Variants in MEF2D observed in about 807,000 individuals in gnomAD.
MEF2D encodes myocyte enhancer factor 2D.
MEF2D carries 10 observed loss-of-function variants against 59.3 expected under a neutral mutation model. The observed-to-expected ratio is 0.17, with a 90% CI of 0.10 to 0.29. The LOEUF is 0.29. Ranked by LOEUF, MEF2D falls within the 10% of genes least tolerant of loss-of-function variation. MEF2D has a pLI of 1.00. For missense variants in MEF2D, 508 were observed against 699.4 expected (o/e 0.73, Z 3.09); for synonymous variants, 305 against 295.0 (o/e 1.03, Z -0.35).
At chr1:156,477,308 CATGCT>C in intron 6 of MEF2D, 106 bp from the exon 7 acceptor site, 1 of 974,266 alleles carries the variant, frequency 1.0e-6, no homozygotes, top group Non-Finnish European at 1.5e-6. Flanking sequence ...CTCTCAAAGC[CATGCT>C]TAGGCTTTGA....
chr1:156,472,560 T>C (rs1355725408), intron 9 of MEF2D, among the ~76,000 whole-genome samples: 2 of 152,226 alleles, frequency 1.3e-5, no homozygotes, highest in Non-Finnish European at 1.5e-5. Flanking sequence ...TTTTTTCCCT[T>C]TTTTTGAGAC....
chr1:156,469,703 C>T (rs943036693), intron 9 of MEF2D, among the ~76,000 whole-genome samples: 2 of 151,088 alleles, frequency 1.3e-5, no homozygotes, highest in African/African-American at 4.9e-5. Context: ...GACTGGGCAA[C>T]ATAAGGAGAC....
Position 156,475,148 on chromosome 1 carries a change from C to T in MEF2D, c.966G>A (p.Gln322=). Residue 322 remains glutamine (Q), a synonymous_variant, in exon 9 of 12, where the codon CAG becomes CAA. Coordinates refer to ENST00000348159, the MANE Select transcript of MEF2D (RefSeq NM_005920.4). ...TGGGCATGGAAGAGAAGGGGAGGCCCTGGCTGAGTAAACTCGGCGTTGCCA... is the reference window on the plus strand; with the variant it reads ...TGGGCATGGAAGAGAAGGGGAGGCCTTGGCTGAGTAAACTCGGCGTTGCCA... The part of the protein sequence containing the change: ...VSVATPSLLS[Q]GLPFSSMPTA... 3 of 1,614,214 alleles carry T rather than the reference C, an allele frequency of 1.9e-6. No individual in the cohort carries two copies. The highest frequency in any genetic ancestry group is 2.5e-6 in the Non-Finnish European group (3 of 1,180,030).
chr1:156,469,293 T>C (rs1671074049), intron 9 of MEF2D, among the ~76,000 whole-genome samples: 2 of 152,198 alleles, frequency 1.3e-5, no homozygotes, highest in Admixed American at 6.5e-5. Context: ...AGTCTCACTC[T>C]ATTGCCCAGG....
At chr1:156,491,120 G>T (rs113771660) in intron 1 of MEF2D, among the ~76,000 whole-genome samples, 51 of 152,286 alleles carry the variant, frequency 3.3e-4, no homozygotes, top group African/African-American at 1.2e-3. Flanking sequence ...CAGTAGAGAA[G>T]GGATGGGTGA....
chr1:156,480,593 G>A (rs774442407), intron 4 of MEF2D: 23 of 1,506,136 alleles, frequency 1.5e-5, no homozygotes, highest in South Asian at 5.2e-5. Flanking sequence ...GCCAGGGCGC[G>A]AAGCCACACC....
intron 1 of MEF2D, among the ~76,000 whole-genome samples, chr1:156,489,919 G>A (rs1024715616): frequency 6.6e-6 from 1 of 152,178 alleles, no homozygotes; most frequent in African/African-American, 2.4e-5. Flanking sequence ...AACCTTCCTA[G>A]TCATTCTCTC....
Position 156,476,364 on chromosome 1 carries a change from C to G in MEF2D, c.876+130G>C, listed in dbSNP as rs553549539. 4.4e-6 allele frequency: 5 copies of G among 1,146,490 alleles called. No individual in the cohort carries two copies. In the Admixed American group the frequency reaches 8.0e-5, roughly 18 times the overall value. The allele number at this position is 1,146,490 out of a possible 1,614,324, so 71.0% of individuals were successfully genotyped here. A position where few individuals can be genotyped will look rare whatever the true frequency, so the allele number is the denominator to read the frequency against. Reference sequence around the variant, plus strand: ...GGCACCTAAGCACAGCTCCTGGCAACTAAGCAAAGAAACAGCAACAGTTCA... The same window carrying G: ...GGCACCTAAGCACAGCTCCTGGCAAGTAAGCAAAGAAACAGCAACAGTTCA... On this transcript the variant is annotated intron_variant, in intron 8 of 11. Transcript: ENST00000348159.
chr1:156,481,338 ACCCTGTGGTAAG>A (rs1042117933), intron 3 of MEF2D, among the ~76,000 whole-genome samples: 3 of 152,180 alleles, frequency 2.0e-5, no homozygotes. Context: ...CTGCCCGACC[ACCCTGTGGTAAG>A]CCCTGACCAG....
chr1:156,477,334 A>C lies in MEF2D; in HGVS notation c.665-132T>G, dbSNP rs376955099. 1,569 of 715,762 alleles carry C rather than the reference A, an allele frequency of 2.2e-3. 34 individuals are homozygous for C. In the South Asian group the frequency reaches 0.029, roughly 13 times the overall value. 44.3% of individuals were successfully genotyped at this position (715,762 alleles called of 1,614,324 possible). On this transcript the variant is annotated intron_variant, in intron 6 of 11. Coordinates refer to ENST00000348159, the MANE Select transcript of MEF2D (RefSeq NM_005920.4). ...ATGCTTAGGCTTTGAGTGGGGGCTG[A>C]GCTATCTGATATTCCCTGAACACTT...
At chr1:156,486,848 T>G (rs1672402992) in intron 1 of MEF2D, among the ~76,000 whole-genome samples, 1 of 152,192 alleles carries the variant, frequency 6.6e-6, no homozygotes, top group African/African-American at 2.4e-5. Context: ...GAAAATACTA[T>G]TTCATTGTTG....
At chr1:156,475,659 CGT>C (rs969511637) in intron 8 of MEF2D, among the ~76,000 whole-genome samples, 16 of 152,194 alleles carry the variant, frequency 1.1e-4, no homozygotes, top group Admixed American at 2.0e-4. Flanking sequence ...CCTGGCGTGG[CGT>C]GTGCCTGCGC....
At chr1:156,494,367 G>A (rs1379793470) in intron 1 of MEF2D, among the ~76,000 whole-genome samples, 1 of 152,114 alleles carries the variant, frequency 6.6e-6, no homozygotes, top group Non-Finnish European at 1.5e-5. Flanking sequence ...TTGCTGGTGG[G>A]CTGAGGATGA....
intron 1 of MEF2D, among the ~76,000 whole-genome samples, chr1:156,498,626 A>C (rs892861839): frequency 7.0e-6 from 1 of 143,684 alleles, no homozygotes. Context: ...CCCCAGAGAG[A>C]CCAGAGACCT....
intron 1 of MEF2D, among the ~76,000 whole-genome samples, chr1:156,496,782 G>C (rs1407426516): frequency 6.6e-6 from 1 of 152,160 alleles, no homozygotes; most frequent in Non-Finnish European, 1.5e-5. Flanking sequence ...AAATGCTGTG[G>C]ACTGCATTGG....
At chr1:156,471,989 G>C (rs937060382) in intron 9 of MEF2D, among the ~76,000 whole-genome samples, 2 of 152,206 alleles carry the variant, frequency 1.3e-5, no homozygotes, top group Non-Finnish European at 2.9e-5. Flanking sequence ...TGACAGATGA[G>C]AATCTTTAAG....
intron 1 of MEF2D, among the ~76,000 whole-genome samples, chr1:156,496,561 C>A (rs1021477882): frequency 4.6e-5 from 7 of 152,140 alleles, no homozygotes; most frequent in African/African-American, 1.7e-4. Flanking sequence ...AACCTTAATC[C>A]CTCCTGCTCC....
intron 11 of MEF2D, 153 bp downstream of exon 11, chr1:156,467,840 T>A: frequency 9.4e-7 from 1 of 1,063,538 alleles, no homozygotes; most frequent in Non-Finnish European, 1.3e-6. Flanking sequence ...TTGGCAGGGG[T>A]GAAGGGGTGT....
At position 156,479,676 on chromosome 1, in the gene MEF2D, G is replaced by C. The variant is rs1196020278; in HGVS notation, c.517C>G (p.Leu173Val). 3.9e-6 allele frequency: 6 copies of C among 1,551,932 alleles called. No individual in the cohort carries two copies. The highest frequency in any genetic ancestry group is 5.2e-6 in the Non-Finnish European group (6 of 1,147,114). The stretch of plus-strand genomic sequence containing the variant: ...GGGGACAGGAGCCGCGGGTCCGTGA[G>C]GGATGATGTCACCAGGGAAGGGGTG... The part of the protein sequence containing the change: ...LVTPSLVTSS[L>V]TDPRLLSPQQ... The change falls in exon 5 of 12, where the codon CTC (leucine) becomes GTC (valine). Residue 173 changes from leucine (L) to valine (V), a missense_variant. By Grantham distance (32) the Leu-to-Val change is conservative. Coordinates refer to ENST00000348159, the MANE Select transcript of MEF2D (RefSeq NM_005920.4).
Sources: allele counts gnomAD v4.1 joint callset (sites outside exome capture counted in the v4.1 genomes callset), GRCh38; gene constraint gnomAD v4.1.1; transcripts MANE v1.5; gene names NCBI Gene and HGNC (gene_info 2026-07-23, HGNC 2026-07-21).